Variants in GALNT13 observed in about 807,000 individuals in gnomAD.
The protein encoded by GALNT13 is UDP-GalNAc:polypeptide N-acetylgalactosaminyltransferase 13.
In GALNT13, 28 loss-of-function variants were observed where a neutral mutation model predicts 64.2. The observed-to-expected ratio is 0.44, with a 90% CI of 0.32 to 0.60. GALNT13 has a LOEUF of 0.60. Among genes scored for constraint, GALNT13 ranks in the 20% least tolerant of loss-of-function variants. GALNT13 has a pLI of 0.05. For synonymous variants in GALNT13, 214 were observed against 224.6 expected, an observed-to-expected ratio of 0.95 and a Z score of 0.42; for missense variants, 577 against 669.8, an observed-to-expected ratio of 0.86 and a Z score of 1.53.
At chr2:153,769,451 G>C in the GALNT13 span, among the ~76,000 whole-genome samples, 1 of 151,154 alleles carries the variant, frequency 6.6e-6, no homozygotes, top group African/African-American at 2.4e-5. Flanking sequence ...TGATAAATCT[G>C]TTATTAGTCT....
chr2:154,395,661 A>G (rs79457011), intron 9 of GALNT13, among the ~76,000 whole-genome samples: 2,094 of 152,226 alleles, frequency 0.014, 23 homozygotes, highest in Non-Finnish European at 0.022. Context: ...TTAAGGAGAA[A>G]CAGACATATT....
the GALNT13 span, among the ~76,000 whole-genome samples, chr2:153,608,648 A>G: frequency 1.4e-5 from 2 of 147,836 alleles, no homozygotes; most frequent in African/African-American, 4.9e-5. Context: ...ATACATATAT[A>G]TAGACAAACA....
chr2:154,299,493 C>T (rs1693295411), intron 8 of GALNT13, among the ~76,000 whole-genome samples: 1 of 145,738 alleles, frequency 6.9e-6, no homozygotes, highest in South Asian at 2.2e-4. Context: ...GTCTCACTCT[C>T]GCCCAGGCTG....
the GALNT13 span, among the ~76,000 whole-genome samples, chr2:153,189,097 A>G: frequency 1.3e-5 from 2 of 152,178 alleles, no homozygotes; most frequent in Non-Finnish European, 2.9e-5. Context: ...GTATAACACA[A>G]AGTGAGCCGT....
At chr2:153,447,299 A>G in the GALNT13 span, among the ~76,000 whole-genome samples, 1 of 152,186 alleles carries the variant, frequency 6.6e-6, no homozygotes, top group African/African-American at 2.4e-5. Flanking sequence ...GGCCAAATCC[A>G]TAGCTAAGCT....
the GALNT13 span, among the ~76,000 whole-genome samples, chr2:153,546,647 T>C: frequency 2.0e-5 from 3 of 152,214 alleles, no homozygotes; most frequent in African/African-American, 7.2e-5. Flanking sequence ...ACAATATTAA[T>C]GCCAATAAGA....
the GALNT13 span, among the ~76,000 whole-genome samples, chr2:153,492,207 T>G: frequency 6.6e-6 from 1 of 152,170 alleles, no homozygotes; most frequent in Non-Finnish European, 1.5e-5. Context: ...AAGCCTAACC[T>G]GAAGACAGCG....
the GALNT13 span, among the ~76,000 whole-genome samples, chr2:153,495,489 C>A: frequency 8.6e-5 from 13 of 152,040 alleles, no homozygotes; most frequent in Non-Finnish European, 1.2e-4. Flanking sequence ...TGGAAACAAC[C>A]ATAATTGCAA....
At chr2:153,691,774 ACACTAC>A in the GALNT13 span, among the ~76,000 whole-genome samples, 1 of 152,196 alleles carries the variant, frequency 6.6e-6, no homozygotes, top group East Asian at 1.9e-4. Context: ...AGAACTCAAT[ACACTAC>A]TGGTGGTATT....
intron 7 of GALNT13, among the ~76,000 whole-genome samples, chr2:154,249,483 A>G (rs1268003435): frequency 1.3e-5 from 2 of 152,192 alleles, no homozygotes; most frequent in African/African-American, 4.8e-5. Context: ...TCTCTTAATT[A>G]TGCCCTGTAA....
chr2:153,573,542 G>GACATTAACTAATTATCATT, the GALNT13 span, among the ~76,000 whole-genome samples: 2 of 151,798 alleles, frequency 1.3e-5, no homozygotes, highest in South Asian at 4.2e-4. Flanking sequence ...TTCATTAATG[G>GACATTAACTAATTATCATT]AGATAATTTT....
At chr2:154,371,254 G>A (rs914377072) in intron 9 of GALNT13, among the ~76,000 whole-genome samples, 5 of 152,130 alleles carry the variant, frequency 3.3e-5, no homozygotes, top group African/African-American at 1.2e-4. Context: ...TGGAACTTTA[G>A]AGAATTTCCA....
At chr2:154,450,298 G>C in intron 12 of GALNT13, 113 bp from the exon 13 acceptor site, 2 of 829,510 alleles carry the variant, frequency 2.4e-6, no homozygotes, top group Non-Finnish European at 3.7e-6. Flanking sequence ...AGCTATCACA[G>C]TGTATTATAC....
intron 3 of GALNT13, among the ~76,000 whole-genome samples, chr2:154,093,183 G>C (rs974114680): frequency 2.0e-5 from 3 of 151,796 alleles, no homozygotes; most frequent in African/African-American, 7.3e-5. Flanking sequence ...GGTAGTAAAT[G>C]GTGAATATTC....
chr2:153,900,606 A>G (rs550027894), intron 1 of GALNT13, among the ~76,000 whole-genome samples: 1 of 152,284 alleles, frequency 6.6e-6, no homozygotes, highest in South Asian at 2.1e-4. Flanking sequence ...ACTTATGAAC[A>G]TCTCATATTT....
the GALNT13 span, among the ~76,000 whole-genome samples, chr2:153,663,619 C>A: frequency 6.6e-6 from 1 of 152,104 alleles, no homozygotes; most frequent in African/African-American, 2.4e-5. Flanking sequence ...TATCCCCACT[C>A]CCAAAGAAAA....
chr2:153,240,607 T>C, the GALNT13 span, among the ~76,000 whole-genome samples: 4 of 152,250 alleles, frequency 2.6e-5, no homozygotes, highest in African/African-American at 9.6e-5. Flanking sequence ...AATAGAGAAA[T>C]AGACCTGGGG....
At chr2:153,341,544 G>T in the GALNT13 span, among the ~76,000 whole-genome samples, 2 of 152,150 alleles carry the variant, frequency 1.3e-5, no homozygotes, top group African/African-American at 4.8e-5. Flanking sequence ...TTTGCGTATG[G>T]TGCAAATTAG....
At chr2:153,746,045 C>T in the GALNT13 span, among the ~76,000 whole-genome samples, 1 of 152,020 alleles carries the variant, frequency 6.6e-6, no homozygotes, top group East Asian at 1.9e-4. Context: ...TATATACCAC[C>T]CTTACAATAG....
Sources: gnomAD v4.1 joint callset for allele counts (sites outside exome capture counted in the v4.1 genomes callset) on GRCh38, gnomAD v4.1.1 for gene constraint, MANE v1.5 for transcripts, NCBI Gene and HGNC (gene_info 2026-07-23, HGNC 2026-07-21) for gene names.